TBXT: variants seen among roughly 807,000 people sequenced by gnomAD.
TBXT encodes T brachyury transcription factor.
A neutral mutation model predicts 41.1 loss-of-function variants in TBXT; 19 were observed. The ratio of observed to expected loss-of-function variants is 0.46; its 90% CI spans 0.32 to 0.68. The LOEUF (loss-of-function observed/expected upper bound fraction) is 0.68. Ranked by LOEUF, TBXT falls within the 30% of genes least tolerant of loss-of-function variation. TBXT has a pLI of 0.03. For missense variants in TBXT, 536 were observed against 582.0 expected (o/e 0.92, Z 0.81); for synonymous variants, 213 against 238.9 (o/e 0.89, Z 1.00).
In TBXT at chr6:166,158,338, G is replaced by A. The variant is rs776894476; in HGVS notation, c.1288C>T (p.Pro430Ser). 1.2e-6 allele frequency: 2 copies of A among 1,614,142 alleles called. No homozygotes were observed. The highest frequency in any genetic ancestry group is 1.7e-6 in the Non-Finnish European group (2 of 1,180,052). Residue 430 changes from proline to serine, a missense_variant, in exon 8 of 8, where the codon CCT (proline) becomes TCT (serine). Pro to Ser is a moderately conservative substitution (Grantham distance 74). Coordinates refer to ENST00000366876, the MANE Select transcript of TBXT (RefSeq NM_001366285.2). ...AQGRLIASWT[P>S]VSPPSM The stretch of plus-strand genomic sequence containing the variant: ...CTTCACATGGAAGGTGGCGACACAG[G>A]TGTCCATGAGGCTATGAGGCGGCCT...
chr6:166,158,480 C>A lies in TBXT; in HGVS notation c.1146G>T (p.Ala382=), dbSNP rs776170985. ...CCGGATGGGTGAGGGGTGTGTAGTG[C>A]GCGGGGGAGCCCCGGAAGAACTGGG... ...LGAQFFRGSP[A]HYTPLTHPVS... Residue 382 remains alanine, a synonymous_variant, in exon 8 of 8, where the codon GCG becomes GCT. Coordinates refer to ENST00000366876, the MANE Select transcript of TBXT (RefSeq NM_001366285.2). 9 of 1,612,316 alleles carry A rather than the reference C, an allele frequency of 5.6e-6. No homozygotes were observed. In the Admixed American group the frequency reaches 8.3e-5, roughly 15 times the overall value.
In TBXT at chr6:166,157,822, C is replaced by A; in HGVS notation, c.*493G>T. On this transcript the variant is annotated 3_prime_UTR_variant, in exon 8 of 8. Coordinates refer to ENST00000366876, the MANE Select transcript of TBXT (RefSeq NM_001366285.2). ...GGGCAGAGCAGTCAAATTTTCAATTCAACTAAAACCTGCTGTCCTCAACTA... is the reference window on the plus strand; with the variant it reads ...GGGCAGAGCAGTCAAATTTTCAATTAAACTAAAACCTGCTGTCCTCAACTA... 1 of 173,722 alleles carries A rather than the reference C, an allele frequency of 5.8e-6. No homozygotes were observed. The highest frequency in any genetic ancestry group is 1.5e-4 in the South Asian group (1 of 6,856). The allele number at this position is 173,722 out of a possible 1,614,324, so 10.8% of individuals were successfully genotyped here. A position where few individuals can be genotyped will look rare whatever the true frequency, so the allele number is the denominator to read the frequency against.
chr6:166,167,907 G>T (rs1161211805), upstream of TBXT: 2 of 455,818 alleles, frequency 4.4e-6, no homozygotes, highest in East Asian at 4.3e-5. Flanking sequence ...CAGCGCTGGG[G>T]TGCTCGGCGG....
rs751255909 is a variant in TBXT at position 166,166,679 on chromosome 6, G to C, written c.384C>G (p.Asp128Glu). The C allele has an allele frequency of 6.2e-7, 1 of 1,614,078 alleles. No individual in the cohort carries two copies. The highest frequency in any genetic ancestry group is 8.5e-7 in the Non-Finnish European group (1 of 1,180,046). The stretch of plus-strand genomic sequence containing the variant: ...TCCAGTGGGCCCCGAAGTTGGGCGA[G>C]TCGGGGTGGATGTAGACGCAGCTGG... ...QAPSCVYIHP[D>E]SPNFGAHWMK... is the part of the protein sequence containing the mutation. The change falls in exon 2 of 8, where the codon GAC becomes GAG. Residue 128 changes from aspartate to glutamate, a missense_variant. Coordinates refer to ENST00000366876, the MANE Select transcript of TBXT (RefSeq NM_001366285.2).
chr6:166,164,704 A>G, intron 4 of TBXT, 38 bp from the exon 5 acceptor site: 1 of 1,612,844 alleles, frequency 6.2e-7, no homozygotes, highest in Non-Finnish European at 8.5e-7. Flanking sequence ...TCGAATTTTC[A>G]AAAATAAGGA....
intron 5 of TBXT, among the ~76,000 whole-genome samples, chr6:166,162,911 C>A (rs567639131): frequency 2.0e-5 from 3 of 152,264 alleles, no homozygotes; most frequent in East Asian, 1.9e-4. Context: ...GGGGAAGCAC[C>A]CTGAGTGTCT....
rs765641145 is a variant in TBXT at position 166,165,659 on chromosome 6, C to A, written c.606+47G>T. 179 of 1,612,654 alleles carry A rather than the reference C, an allele frequency of 1.1e-4. 2 individuals are homozygous for A. In the South Asian group the frequency reaches 1.2e-3, roughly 11 times the overall value. The stretch of plus-strand genomic sequence containing the variant: ...TCCAGAATCTCCACGGAGCAGCACA[C>A]CACACCGCAGCACACCGGGAAAGCG... On this transcript the variant is annotated intron_variant, in intron 3 of 7. Coordinates refer to ENST00000366876, the MANE Select transcript of TBXT (RefSeq NM_001366285.2).
chr6:166,159,887 G>T (rs1038200128), intron 7 of TBXT, among the ~76,000 whole-genome samples: 1 of 152,176 alleles, frequency 6.6e-6, no homozygotes, highest in Non-Finnish European at 1.5e-5. Flanking sequence ...AGGCTTCTGG[G>T]GCGATGCTCT....
intron 6 of TBXT, 98 bp from the exon 7 acceptor site, chr6:166,161,064 T>C (rs1037864310): frequency 2.0e-6 from 3 of 1,494,664 alleles, no homozygotes; most frequent in African/African-American, 1.4e-5. Flanking sequence ...TACGTAACAC[T>C]GAAAACAAAA....
rs1378236988 is a variant in TBXT at position 166,167,647 on chromosome 6, A to G, written c.-56T>C. The G allele has an allele frequency of 2.0e-6, 3 of 1,535,464 alleles. No individual in the cohort carries two copies. Among genetic ancestry groups the G allele is most frequent in the Non-Finnish European group, 2.6e-6 (3 of 1,145,710 alleles). On this transcript the variant is annotated 5_prime_UTR_variant, in exon 1 of 8. Coordinates refer to ENST00000366876, the MANE Select transcript of TBXT (RefSeq NM_001366285.2). ...CCGAAGCCCAGACTCGCTACCTGAG[A>G]TCCACCTTCCCTGCTCTTGGCCGCC...
rs1276257251 is a variant in TBXT at position 166,166,750 on chromosome 6, C to G, written c.313G>C (p.Val105Leu). The change falls in exon 2 of 8, where the codon GTG becomes CTG. Residue 105 changes from valine (V) to leucine (L), a missense_variant. Coordinates refer to ENST00000366876, the MANE Select transcript of TBXT (RefSeq NM_001366285.2). ...VAADNHRWKY[V>L]NGEWVPGGKP... Reference sequence around the variant, plus strand: ...CCCCCCGGCACCCATTCCCCGTTCACGTACTTCCAGCGGTGGTTGTCCGCC... The same window carrying G: ...CCCCCCGGCACCCATTCCCCGTTCAGGTACTTCCAGCGGTGGTTGTCCGCC... 1 of 1,613,702 alleles carries G rather than the reference C, an allele frequency of 6.2e-7. No homozygotes were observed. The highest frequency in any genetic ancestry group is 1.1e-5 in the South Asian group (1 of 91,094).
chr6:166,162,461 C>A lies in TBXT; in HGVS notation c.893G>T (p.Arg298Leu). The change falls in exon 6 of 8, where the codon CGG becomes CTG. Residue 298 changes from arginine to leucine, a missense_variant. Arg to Leu is a moderately radical substitution (Grantham distance 102). Transcript: ENST00000366876. ...TGAGGACTCACTTGGAGAATTGTTCCGATGAGCATAGGGGCTGGGGTAGGG... is the reference window on the plus strand; with the variant it reads ...TGAGGACTCACTTGGAGAATTGTTCAGATGAGCATAGGGGCTGGGGTAGGG... ...SSPYPSPYAH[R>L]NNSPTYSDNS... 6.2e-7 allele frequency: 1 copy of A among 1,614,114 alleles called. No homozygotes were observed. Among genetic ancestry groups the A allele is most frequent in the Non-Finnish European group, 8.5e-7 (1 of 1,180,020 alleles).
chr6:166,165,658 A>G, intron 3 of TBXT, 48 bp downstream of exon 3: 1 of 1,612,580 alleles, frequency 6.2e-7, no homozygotes, highest in Non-Finnish European at 8.5e-7. Context: ...GGAGCAGCAC[A>G]CCACACCGCA....
chr6:166,158,408 G>A lies in TBXT; in HGVS notation c.1218C>T (p.Ala406=), dbSNP rs201872052. 3.3e-5 allele frequency: 53 copies of A among 1,614,192 alleles called. No homozygotes were observed. In the Middle Eastern group the frequency reaches 1.2e-3, roughly 35 times the overall value. ...GGCTGTCCACGATGTCTGTGGCCGC[G>A]GCCGCCCCTTCGTACAGTGGGGATC... ...SSGSPLYEGA[A]AATDIVDSQY... is the part of the protein sequence containing the mutation. The change falls in exon 8 of 8, where the codon GCC becomes GCT. Residue 406 remains alanine, a synonymous_variant. Transcript: ENST00000366876.
At chr6:166,162,690 C>T (rs765764141) in intron 5 of TBXT, 67 bp from the exon 6 acceptor site, 48 of 1,370,552 alleles carry the variant, frequency 3.5e-5, no homozygotes, top group Non-Finnish European at 4.6e-5. Context: ...AGAGCAGAGC[C>T]CAGGCCAGGG....
At position 166,158,138 on chromosome 6, in the gene TBXT, C is replaced by A; in HGVS notation, c.*177G>T. On this transcript the variant is annotated 3_prime_UTR_variant, in exon 8 of 8. Coordinates refer to ENST00000366876, the MANE Select transcript of TBXT (RefSeq NM_001366285.2). ...CTACTGCAGGTGTGAGCAAGGGATG[C>A]TGGGGCTCTGGGGAAAGGTGCCGTG... 1 of 952,452 alleles carries A rather than the reference C, an allele frequency of 1.0e-6. No individual in the cohort carries two copies. The highest frequency in any genetic ancestry group is 1.6e-6 in the Non-Finnish European group (1 of 623,444). 59.0% of individuals were successfully genotyped at this position (952,452 alleles called of 1,614,324 possible).
intron 2 of TBXT, among the ~76,000 whole-genome samples, chr6:166,166,265 T>C (rs754971053): frequency 3.1e-4 from 47 of 152,034 alleles, no homozygotes; most frequent in Non-Finnish European, 5.3e-4. Context: ...GTAAGTACTG[T>C]GGCGCATGTT....
intron 7 of TBXT, 147 bp downstream of exon 7, chr6:166,160,690 C>A: frequency 8.4e-7 from 1 of 1,187,966 alleles, no homozygotes; most frequent in Non-Finnish European, 1.2e-6. Context: ...CTGGGCATAG[C>A]TGGCTAATAA....
chr6:166,159,487 A>G (rs1005362660), intron 7 of TBXT, among the ~76,000 whole-genome samples: 8 of 152,208 alleles, frequency 5.3e-5, no homozygotes, highest in Non-Finnish European at 5.9e-5. Flanking sequence ...CAGTCAGACT[A>G]GGAAGCCATT....
Sources: allele counts gnomAD v4.1 joint callset (sites outside exome capture counted in the v4.1 genomes callset), GRCh38; gene constraint gnomAD v4.1.1; transcripts MANE v1.5; gene names NCBI Gene and HGNC (gene_info 2026-07-23, HGNC 2026-07-21).